The following WDFY4 variants were observed in gnomAD, a reference collection of about 807,000 sequenced individuals.
WDFY4 encodes the protein WD repeat- and FYVE domain-containing protein 4.
Under a neutral mutation model 351.9 loss-of-function variants are expected in WDFY4, and 169 were observed. That is an observed-to-expected ratio of 0.48 (90% CI 0.42 to 0.55). The LOEUF is 0.55. Among genes scored for constraint, WDFY4 ranks in the 20% least tolerant of loss-of-function variants. The pLI is 0.00. For synonymous variants in WDFY4, 1,622 were observed against 1,574.6 expected (o/e 1.03, Z -0.71); for missense variants, 3,803 against 3,935.6 (o/e 0.97, Z 0.90).
rs564510110 is a variant in WDFY4 at position 48,744,526 on chromosome 10, G to A, written c.2459+978G>A. Among the ~76,000 whole-genome samples the A allele has an allele frequency of 7.9e-5, 12 of 152,266 alleles. No individual in the cohort carries two copies. The East Asian group carries it at 2.3e-3, about 29-fold the overall frequency. On this transcript the variant is annotated intron_variant, in intron 12 of 61. Coordinates refer to ENST00000325239, the MANE Select transcript of WDFY4 (RefSeq NM_001394531.1). ...GTACTAATGTTTAAAAAGGATTTTT[G>A]CACTGATATTCAGGAGGTTGGCCTT...
intron 19 of WDFY4, 50 bp from the exon 20 acceptor site, chr10:48,786,589 T>C: frequency 2.2e-6 from 3 of 1,382,326 alleles, no homozygotes; most frequent in Non-Finnish European, 3.0e-6. Context: ...ATTTACTTGA[T>C]TAACTCTGAG....
At chr10:48,769,839 C>G (rs148001558) in intron 13 of WDFY4, among the ~76,000 whole-genome samples, 7 of 152,198 alleles carry the variant, frequency 4.6e-5, no homozygotes, top group Non-Finnish European at 7.3e-5. Context: ...AAGGCTAGGT[C>G]GTTAAGTGAA....
intron 39 of WDFY4, among the ~76,000 whole-genome samples, chr10:48,833,818 C>T (rs940922207): frequency 6.6e-6 from 1 of 152,112 alleles, no homozygotes; most frequent in Non-Finnish European, 1.5e-5. Flanking sequence ...AGAAAGGTTC[C>T]CCAGGGAGGT....
chr10:48,852,094 G>C (rs185128595), intron 39 of WDFY4, among the ~76,000 whole-genome samples: 3 of 152,346 alleles, frequency 2.0e-5, no homozygotes, highest in South Asian at 4.1e-4. Flanking sequence ...ATTCACTGCT[G>C]TCTAGGCAGA....
chr10:48,876,314 A>T (rs1457973423), intron 42 of WDFY4, among the ~76,000 whole-genome samples: 1 of 152,364 alleles, frequency 6.6e-6, no homozygotes, highest in South Asian at 2.1e-4. Flanking sequence ...AACAGACTAG[A>T]GATGAAAAAA....
Position 48,826,683 on chromosome 10 carries a change from G to A in WDFY4, c.5995G>A (p.Ala1999Thr), listed in dbSNP as rs1321128618. The change falls in exon 36 of 62, where the codon GCC (alanine) becomes ACC (threonine). Residue 1999 changes from alanine to threonine, a missense_variant. By Grantham distance (58) the Ala-to-Thr change is moderately conservative. Transcript: ENST00000325239. ...LEHIMVVIET[A>T]SSQRDTVLST... ...TTTAATGACACAGGTCATTGAGACT[G>A]CCTCTTCTCAAAGGGACACTGTCCT... 1 of 1,550,984 alleles carries A rather than the reference G, an allele frequency of 6.4e-7. No individual in the cohort carries two copies. The highest frequency in any genetic ancestry group is 1.2e-5 in the South Asian group (1 of 84,050).
intron 12 of WDFY4, 134 bp downstream of exon 12, chr10:48,743,682 C>T: frequency 1.9e-6 from 2 of 1,070,804 alleles, no homozygotes; most frequent in Admixed American, 2.8e-5. Context: ...ACCTCAACTT[C>T]CTCAAATCAA....
chr10:48,790,941 A>G, intron 23 of WDFY4, 24 bp downstream of exon 23: 5 of 1,550,800 alleles, frequency 3.2e-6, no homozygotes, highest in Non-Finnish European at 4.4e-6. Flanking sequence ...CCCACCTGGA[A>G]CTGAGACTCC....
intron 39 of WDFY4, among the ~76,000 whole-genome samples, chr10:48,856,341 T>C (rs542822823): frequency 2.0e-5 from 3 of 152,294 alleles, no homozygotes; most frequent in African/African-American, 7.2e-5. Flanking sequence ...TCAACTTACC[T>C]AACCAGATAC....
chr10:48,873,596 T>A lies in WDFY4; in HGVS notation c.6847T>A (p.Cys2283Ser). ...LWSQGEETKP[C>S]SPWELDWREG... The stretch of plus-strand genomic sequence containing the variant: ...GAGCCAGGGGGAAGAAACCAAGCCC[T>A]GTTCCCCATGGGAACTCGACTGGAG... The change falls in exon 41 of 62, where the codon TGT becomes AGT. Residue 2283 changes from cysteine (C) to serine (S), a missense_variant. Cys to Ser is a moderately radical substitution (Grantham distance 112). Coordinates refer to ENST00000325239, the MANE Select transcript of WDFY4 (RefSeq NM_001394531.1). 1.3e-6 allele frequency: 2 copies of A among 1,551,820 alleles called. No homozygotes were observed. Among genetic ancestry groups the A allele is most frequent in the Non-Finnish European group, 1.7e-6 (2 of 1,147,012 alleles).
intron 1 of WDFY4, 59 bp from the exon 2 acceptor site, chr10:48,709,657 C>T: frequency 6.9e-7 from 1 of 1,449,246 alleles, no homozygotes. Context: ...TTATCCACAG[C>T]CAGAATCATC....
In WDFY4 at chr10:48,910,146, C is replaced by T; in HGVS notation, c.7586+8283C>T. 16 of 1,215,076 alleles carry T rather than the reference C, an allele frequency of 1.3e-5. No individual in the cohort carries two copies. In the South Asian group the frequency reaches 1.5e-4, roughly 11 times the overall value. 75.3% of individuals were successfully genotyped at this position (1,215,076 alleles called of 1,614,324 possible). On this transcript the variant is annotated intron_variant, in intron 47 of 61. Coordinates refer to ENST00000325239, the MANE Select transcript of WDFY4 (RefSeq NM_001394531.1). ...CCTGGTTTCCAGAACATCTCACTTG[C>T]CACTCTGTCTTCTCCTAACTGGGGG...
At chr10:48,842,272 C>T (rs140894154) in intron 39 of WDFY4, among the ~76,000 whole-genome samples, 1,624 of 151,890 alleles carry the variant, frequency 0.011, 29 homozygotes, top group African/African-American at 0.037. Context: ...AATGTGGGTG[C>T]GGGAAGCTAT....
rs1214178497 is a variant in WDFY4, at chr10:48,817,386, G to A, written c.5482G>A (p.Ala1828Thr). The A allele has an allele frequency of 2.1e-5, 32 of 1,550,814 alleles. No homozygotes were observed. The highest frequency in any genetic ancestry group is 2.4e-5 in the Non-Finnish European group (28 of 1,146,516). ...GTTCCTCCAGACCTTGGCCATAGCC[G>A]CCTTCCCCCTGGGAGCCCAAAAGGT... ...PEFLQTLAIA[A>T]FPLGAQKGVG... Residue 1828 changes from alanine (A) to threonine (T), a missense_variant, in exon 32 of 62, where the codon GCC becomes ACC. Physicochemically the swap from Ala to Thr is moderately conservative, Grantham distance 58 (BLOSUM62 0). Around this residue, in one of 3 missense-constraint regions of WDFY4, gnomAD observed 3,054 missense variants for 3,148.6 expected, o/e 0.97. Transcript: ENST00000325239.
intron 11 of WDFY4, 102 bp downstream of exon 11, chr10:48,736,172 G>A (rs1009898343): frequency 7.5e-7 from 1 of 1,341,118 alleles, no homozygotes; most frequent in Non-Finnish European, 1.0e-6. Flanking sequence ...GTTAGCCACT[G>A]TATGTGGCAG....
At chr10:48,755,668 C>T (rs1287338947) in intron 12 of WDFY4, among the ~76,000 whole-genome samples, 1 of 152,068 alleles carries the variant, frequency 6.6e-6, no homozygotes, top group African/African-American at 2.4e-5. Flanking sequence ...AACTGCTTAG[C>T]CATATTTATA....
chr10:48,725,014 A>T (rs1453087340), intron 5 of WDFY4, among the ~76,000 whole-genome samples: 1 of 152,168 alleles, frequency 6.6e-6, no homozygotes, highest in East Asian at 1.9e-4. Context: ...GAGGGTTGTC[A>T]GGGTCTGAGG....
intron 1 of WDFY4, among the ~76,000 whole-genome samples, chr10:48,707,664 A>G (rs2063667217): frequency 6.6e-6 from 1 of 152,240 alleles, no homozygotes; most frequent in East Asian, 1.9e-4. Context: ...GAGTAAGAGC[A>G]GAAAAGATGC....
chr10:48,833,170 T>TGAGAGAGA lies in WDFY4; in HGVS notation c.6663+462_6663+463insAGAGAGAG, dbSNP rs535221665. On this transcript the variant is annotated intron_variant, in intron 39 of 61. Coordinates refer to ENST00000325239, the MANE Select transcript of WDFY4 (RefSeq NM_001394531.1). The stretch of plus-strand genomic sequence containing the variant: ...GTGTGTGTGTGTGTGTGTGTGTGTG[T>TGAGAGAGA]GTGAGAGAGAGAGAGAGAGAGAGAG... Among the ~76,000 whole-genome samples the TGAGAGAGA allele has an allele frequency of 5.0e-3, 695 of 139,284 alleles. 3 individuals carry two copies. The highest frequency in any genetic ancestry group is 0.018 in the Admixed American group (252 of 13,658). The allele number at this position is 139,284 out of a possible 152,430, so 91.4% of individuals were successfully genotyped here.
Sources: gnomAD v4.1 joint callset for allele counts (sites outside exome capture counted in the v4.1 genomes callset) on GRCh38, gnomAD v4.1.1 for gene constraint, gnomAD v4.1.1 regional missense constraint, MANE v1.5 for transcripts, NCBI Gene and HGNC (gene_info 2026-07-23, HGNC 2026-07-21) for gene names.